POGLUT2: variants seen among roughly 807,000 people sequenced by gnomAD.
POGLUT2 encodes the protein ER protein 58.
A neutral mutation model predicts 57.6 loss-of-function variants in POGLUT2; 47 were observed. That is an observed-to-expected ratio of 0.82 (90% CI 0.65 to 1.04). The LOEUF (loss-of-function observed/expected upper bound fraction) is 1.04, where lower values mean the gene tolerates loss of function less well. Ranked by LOEUF, POGLUT2 falls within the 50% of genes least tolerant of loss-of-function variation. POGLUT2 has a pLI of 0.00. For synonymous variants in POGLUT2, 200 were observed against 218.8 expected (o/e 0.91, Z 0.76); for missense variants, 565 against 614.8 (o/e 0.92, Z 0.86).
chr13:102,798,596 C>A lies in POGLUT2; in HGVS notation c.75G>T (p.Arg25Ser). ...VPALAETGGE[R>S]QLSPEKSEIW... ...TTTCGCTCTTCTCCGGGCTCAGCTG[C>A]CTTTCTCCGCCGGTCTCGGCGAGTG... Residue 25 changes from arginine to serine, a missense_variant, in exon 1 of 10, where the codon AGG becomes AGT. Arg to Ser is a moderately radical substitution (Grantham distance 110). Coordinates refer to ENST00000376004, the MANE Select transcript of POGLUT2 (RefSeq NM_024089.3). The A allele has an allele frequency of 6.2e-7, 1 of 1,613,670 alleles. No individual in the cohort carries two copies. The highest frequency in any genetic ancestry group is 1.3e-5 in the African/African-American group (1 of 75,024).
chr13:102,798,948 G>T lies in POGLUT2; in HGVS notation c.-278C>A. ...TCTCTCTCAGGACAATGATGAACTT[G>T]AGTTGCTCCTGCCACTGGAGCATCA... On this transcript the variant is annotated 5_prime_UTR_variant, in exon 1 of 10. Coordinates refer to ENST00000376004, the MANE Select transcript of POGLUT2 (RefSeq NM_024089.3). The T allele has an allele frequency of 2.4e-6, 1 of 418,278 alleles. No homozygotes were observed. The highest frequency in any genetic ancestry group is 4.2e-6 in the Non-Finnish European group (1 of 237,756). The allele number at this position is 418,278 out of a possible 1,614,324, so 25.9% of individuals were successfully genotyped here.
Position 102,793,701 on chromosome 13 carries a change from G to T in POGLUT2, c.494C>A (p.Ala165Glu). 3 of 1,614,114 alleles carry T rather than the reference G, an allele frequency of 1.9e-6. No homozygotes were observed. Among genetic ancestry groups the T allele is most frequent in the Non-Finnish European group, 2.5e-6 (3 of 1,179,968 alleles). Reference protein sequence around the residue: ...ETIAQIQRDLAHFPAVDPEKI... With the variant: ...ETIAQIQRDLEHFPAVDPEKI... ...TTCTGGATCCACAGCAGGGAAATGT[G>T]CCAGATCTCTCTGAATCTGAGCAAT... The change falls in exon 3 of 10, where the codon GCA (alanine) becomes GAA (glutamate). Residue 165 changes from alanine to glutamate, a missense_variant. By Grantham distance (107) the Ala-to-Glu change is moderately radical. Coordinates refer to ENST00000376004, the MANE Select transcript of POGLUT2 (RefSeq NM_024089.3).
intron 4 of POGLUT2, chr13:102,791,882 C>G: frequency 1.3e-6 from 1 of 777,494 alleles, no homozygotes; most frequent in South Asian, 1.5e-5. Context: ...CCTTCCTCTA[C>G]TGGCAAATGG....
chr13:102,797,835 T>G (rs1165997504), intron 1 of POGLUT2, among the ~76,000 whole-genome samples: 5 of 152,216 alleles, frequency 3.3e-5, no homozygotes, highest in Non-Finnish European at 7.3e-5. Context: ...AACCTGCCTT[T>G]TACTTGACAA....
chr13:102,795,740 T>G (rs976675026), intron 2 of POGLUT2, among the ~76,000 whole-genome samples: 5 of 152,156 alleles, frequency 3.3e-5, no homozygotes, highest in African/African-American at 1.2e-4. Flanking sequence ...TAAGGTTTAG[T>G]GGGTGATACT....
intron 7 of POGLUT2, 43 bp downstream of exon 7, chr13:102,788,969 T>C (rs1566435830): frequency 1.3e-6 from 2 of 1,486,364 alleles, no homozygotes; most frequent in East Asian, 4.5e-5. Context: ...CCCATGATAT[T>C]GGGAAACAAG....
chr13:102,796,182 C>A (rs1238007507), intron 2 of POGLUT2, among the ~76,000 whole-genome samples: 1 of 151,636 alleles, frequency 6.6e-6, no homozygotes, highest in East Asian at 1.9e-4. Flanking sequence ...GTAATCCCAG[C>A]TACATGGGAG....
At position 102,791,246 on chromosome 13, in the gene POGLUT2, C is replaced by T; in HGVS notation, c.845+12G>A. The T allele has an allele frequency of 1.3e-6, 2 of 1,599,246 alleles. No homozygotes were observed. The highest frequency in any genetic ancestry group is 1.7e-6 in the Non-Finnish European group (2 of 1,172,090). On this transcript the variant is annotated intron_variant, in intron 5 of 9. Transcript: ENST00000376004. Reference sequence around the variant, plus strand: ...AACCAAGGCTCTGGGCCAACCCTGACTTATCTCTCACCGGCCCATGGTTTC... The same window carrying T: ...AACCAAGGCTCTGGGCCAACCCTGATTTATCTCTCACCGGCCCATGGTTTC...
chr13:102,796,714 ATATAT>A, intron 2 of POGLUT2, 85 bp downstream of exon 2: 1 of 398,402 alleles, frequency 2.5e-6, no homozygotes, highest in Non-Finnish European at 4.5e-6. Flanking sequence ...ATATATATAT[ATATAT>A]ATCATGCCAA....
At chr13:102,791,545 GTAA>G (rs1878179623) in intron 4 of POGLUT2, 115 bp from the exon 5 acceptor site, 1 of 979,158 alleles carries the variant, frequency 1.0e-6, no homozygotes, top group Non-Finnish European at 1.5e-6. Flanking sequence ...CATGTTTCAG[GTAA>G]TAATAATTAC....
In POGLUT2 at chr13:102,786,344, T is replaced by A; in HGVS notation, c.1384-5A>T. ...CACTTGTAAATTGGCATATTCCTGT[T>A]TAAGCAACAATATAAAAGCATTCCT... On this transcript the variant is annotated splice_region_variant and splice_polypyrimidine_tract_variant and intron_variant, in intron 8 of 9. Coordinates refer to ENST00000376004, the MANE Select transcript of POGLUT2 (RefSeq NM_024089.3). 1.9e-6 allele frequency: 3 copies of A among 1,576,490 alleles called. No homozygotes were observed. The South Asian group carries it at 3.3e-5, about 17-fold the overall frequency.
intron 2 of POGLUT2, among the ~76,000 whole-genome samples, chr13:102,795,215 G>A (rs1878330176): frequency 7.6e-6 from 1 of 131,938 alleles, no homozygotes. Flanking sequence ...TTGCACCACT[G>A]CACTCTAGGC....
intron 2 of POGLUT2, among the ~76,000 whole-genome samples, chr13:102,795,446 C>T (rs1878340660): frequency 6.6e-6 from 1 of 151,708 alleles, no homozygotes; most frequent in Middle Eastern, 3.2e-3. Context: ...GCCTGTAGTC[C>T]CAGCTACTCA....
At chr13:102,790,138 T>C (rs562822671) in intron 6 of POGLUT2, among the ~76,000 whole-genome samples, 2 of 152,304 alleles carry the variant, frequency 1.3e-5, no homozygotes, top group South Asian at 4.1e-4. Flanking sequence ...GGGATATGCA[T>C]ATAGAAAAAT....
Position 102,790,896 on chromosome 13 carries a change from C to A in POGLUT2, c.1083+5G>T. ...AAAAAAGATTAGCTACTGATTAAGT[C>A]ATACCTTGAAGAAATCAAAAAATGA... On this transcript the variant is annotated splice_donor_5th_base_variant and intron_variant, in intron 6 of 9. Coordinates refer to ENST00000376004, the MANE Select transcript of POGLUT2 (RefSeq NM_024089.3). 1 of 1,543,864 alleles carries A rather than the reference C, an allele frequency of 6.5e-7. No individual in the cohort carries two copies. The highest frequency in any genetic ancestry group is 1.1e-5 in the South Asian group (1 of 89,532).
intron 1 of POGLUT2, 99 bp from the exon 2 acceptor site, chr13:102,797,108 A>G (rs780522941): frequency 1.2e-5 from 9 of 745,052 alleles, no homozygotes; most frequent in African/African-American, 3.5e-5. Context: ...TCTCCTCCAC[A>G]TTCTTCCTCT....
At chr13:102,796,080 A>G (rs1878365423) in intron 2 of POGLUT2, among the ~76,000 whole-genome samples, 1 of 152,006 alleles carries the variant, frequency 6.6e-6, no homozygotes, top group Non-Finnish European at 1.5e-5. Context: ...GCAGATCATG[A>G]GGTCAAGAGA....
chr13:102,793,140 G>C (rs1341643217), intron 4 of POGLUT2: 3 of 513,390 alleles, frequency 5.8e-6, no homozygotes, highest in Admixed American at 7.2e-5. Flanking sequence ...TTATTTTAAG[G>C]CTTCCAGTTT....
At chr13:102,788,573 G>A (rs778521510) in intron 7 of POGLUT2, among the ~76,000 whole-genome samples, 27 of 151,908 alleles carry the variant, frequency 1.8e-4, no homozygotes, top group African/African-American at 6.0e-4. Flanking sequence ...TGCAACCTCC[G>A]CCTCCCAGGT....
Sources: gnomAD v4.1 joint callset for allele counts (sites outside exome capture counted in the v4.1 genomes callset) on GRCh38, gnomAD v4.1.1 for gene constraint, MANE v1.5 for transcripts, NCBI Gene and HGNC (gene_info 2026-07-23, HGNC 2026-07-21) for gene names.